The following TMEM94 variants were observed in gnomAD, a reference collection of about 807,000 sequenced individuals.
The protein encoded by TMEM94 is ER Mg2+ ATPase.
TMEM94 carries 81 observed loss-of-function variants against 158.6 expected under a neutral mutation model. That is an observed-to-expected ratio of 0.51 (90% CI 0.43 to 0.61). The LOEUF (loss-of-function observed/expected upper bound fraction) is 0.61, where lower values mean the gene tolerates loss of function less well. Ranked by LOEUF, TMEM94 falls within the 20% of genes least tolerant of loss-of-function variation. The pLI is 0.00. For missense variants in TMEM94, 1,435 were observed against 1,762.0 expected (o/e 0.81, Z 3.32); for synonymous variants, 751 against 730.7 (o/e 1.03, Z -0.45).
At position 75,495,628 on chromosome 17, in the gene TMEM94, G is replaced by A. The variant is rs745944165; in HGVS notation, c.2929G>A (p.Asp977Asn). The change falls in exon 22 of 32, where the codon GAC becomes AAC. Residue 977 changes from aspartate (D) to asparagine (N), a missense_variant. Physicochemically the swap from Asp to Asn is conservative, Grantham distance 23 (BLOSUM62 1). Around this residue, in one of 3 missense-constraint regions of TMEM94, gnomAD observed 49 missense variants for 98.5 expected, o/e 0.50. Coordinates refer to ENST00000314256, the MANE Select transcript of TMEM94 (RefSeq NM_014738.6). The surrounding 1 kb of genome is among the most constrained non-coding windows in gnomAD (Gnocchi z 5.6). ...NVPLLVPLFT[D>N]CTPETMCEMI... ...GCCCCTGCTAGTGCCCCTTTTCACC[G>A]ACTGCACCCCAGAGAGTGAGTGCTG... 4 of 1,613,472 alleles carry A rather than the reference G, an allele frequency of 2.5e-6. No individual in the cohort carries two copies. The highest frequency in any genetic ancestry group is 1.1e-5 in the South Asian group (1 of 91,082).
In TMEM94 at chr17:75,467,520, C is replaced by CTTTT. The variant is rs947595391; in HGVS notation, c.-106-4260_-106-4257dup. ...ATCATTATGCCATCCATTTCTTTTTCTTTTTTTTTTTTTTTTTTTTTTTGA... is the reference window on the plus strand; with the variant it reads ...ATCATTATGCCATCCATTTCTTTTTCTTTTTTTTTTTTTTTTTTTTTTTTTTTGA... On this transcript the variant is annotated intron_variant, in intron 1 of 31. Transcript: ENST00000314256. 4.6e-4 allele frequency among the ~76,000 whole-genome samples: 46 copies of CTTTT among 99,132 alleles called. 1 individual carries two copies. Among genetic ancestry groups the CTTTT allele is most frequent in the Non-Finnish European group, 5.9e-4 (30 of 51,202 alleles). 65.0% of individuals were successfully genotyped at this position (99,132 alleles called of 152,430 possible).
intron 1 of TMEM94, among the ~76,000 whole-genome samples, chr17:75,461,599 A>T (rs1374713718): frequency 6.6e-6 from 1 of 151,942 alleles, no homozygotes; most frequent in Non-Finnish European, 1.5e-5. Context: ...CCTTTTGTGG[A>T]TTATGCTTTT....
At chr17:75,463,187 T>C (rs1417971393) in intron 1 of TMEM94, among the ~76,000 whole-genome samples, 2 of 131,206 alleles carry the variant, frequency 1.5e-5, no homozygotes, top group Admixed American at 1.6e-4. Flanking sequence ...TGTATATATA[T>C]ATATATATAT....
Position 75,491,033 on chromosome 17 carries a change from T to G in TMEM94, c.1129-16T>G. ...TGAGCCCTAAATGGCCTTGCAGACTTCCTCTCTCCCACCAGGAAATGCTGC... is the reference window on the plus strand; with the variant it reads ...TGAGCCCTAAATGGCCTTGCAGACTGCCTCTCTCCCACCAGGAAATGCTGC... On this transcript the variant is annotated splice_polypyrimidine_tract_variant and intron_variant, in intron 11 of 31. Transcript: ENST00000314256. The surrounding 1 kb of genome is among the most constrained non-coding windows in gnomAD (Gnocchi z 5.1). 6.3e-6 allele frequency: 10 copies of G among 1,590,668 alleles called. No homozygotes were observed. Among genetic ancestry groups the G allele is most frequent in the Non-Finnish European group, 8.6e-6 (10 of 1,165,848 alleles).
At position 75,489,162 on chromosome 17, in the gene TMEM94, G is replaced by C; in HGVS notation, c.765-104G>C. On this transcript the variant is annotated intron_variant, in intron 7 of 31. Coordinates refer to ENST00000314256, the MANE Select transcript of TMEM94 (RefSeq NM_014738.6). This position sits in a 1 kb window ranked among gnomAD's most constrained non-coding sequence, Gnocchi z 5.0. The stretch of plus-strand genomic sequence containing the variant: ...CAGAGCGTGGAACTGCAGGACTCAC[G>C]GTGCTTGAAGAAGCGGTATCTGGCA... The C allele has an allele frequency of 8.8e-7, 1 of 1,136,352 alleles. No homozygotes were observed. Among genetic ancestry groups the C allele is most frequent in the Admixed American group, 1.9e-5 (1 of 51,404 alleles). 70.4% of individuals were successfully genotyped at this position (1,136,352 alleles called of 1,614,324 possible). A position where few individuals can be genotyped will look rare whatever the true frequency, so the allele number is the denominator to read the frequency against.
chr17:75,480,375 A>G (rs1310114844), intron 2 of TMEM94, among the ~76,000 whole-genome samples: 1 of 152,220 alleles, frequency 6.6e-6, no homozygotes, highest in Non-Finnish European at 1.5e-5. Flanking sequence ...GACCAGACAT[A>G]ACAAGCGGGG....
Position 75,489,209 on chromosome 17 carries a change from A to C in TMEM94, c.765-57A>C. On this transcript the variant is annotated intron_variant, in intron 7 of 31. Coordinates refer to ENST00000314256, the MANE Select transcript of TMEM94 (RefSeq NM_014738.6). The surrounding 1 kb of genome is among the most constrained non-coding windows in gnomAD (Gnocchi z 5.0). ...GGCAGAGAGGCCCAGAATCCTCCCA[A>C]GGTGTAGGTTTCTAGCCTCTCTGCC... 2.7e-6 allele frequency: 4 copies of C among 1,504,030 alleles called. No individual in the cohort carries two copies. The South Asian group carries it at 4.5e-5, about 17-fold the overall frequency. 93.2% of individuals were successfully genotyped at this position (1,504,030 alleles called of 1,614,324 possible).
chr17:75,463,927 A>G (rs1261100027), intron 1 of TMEM94, among the ~76,000 whole-genome samples: 3 of 152,252 alleles, frequency 2.0e-5, no homozygotes, highest in Non-Finnish European at 2.9e-5. Flanking sequence ...AGATCTATCA[A>G]TTAGTACCCT....
Position 75,491,183 on chromosome 17 carries a change from A to G in TMEM94, c.1233+30A>G. 6.3e-7 allele frequency: 1 copy of G among 1,594,996 alleles called. No individual in the cohort carries two copies. Among genetic ancestry groups the G allele is most frequent in the Non-Finnish European group, 8.6e-7 (1 of 1,167,848 alleles). On this transcript the variant is annotated intron_variant, in intron 12 of 31. Transcript: ENST00000314256. The surrounding 1 kb of genome is among the most constrained non-coding windows in gnomAD (Gnocchi z 5.1). ...GGGTGGGCCTTGCGGGGAGGAGGCAACTGTCATGCCCGCCCTGCTCTCTGG... is the reference window on the plus strand; with the variant it reads ...GGGTGGGCCTTGCGGGGAGGAGGCAGCTGTCATGCCCGCCCTGCTCTCTGG...
In TMEM94 at chr17:75,498,444, C is replaced by G. The variant is rs2052965843; in HGVS notation, c.3639C>G (p.Ser1213Arg). ...LTNCSSVMLP[S>R]NDDRAPAWFE... ...CTGAGCCCATGCCTCACTTTGGCAG[C>G]AACGACGACAGGGCTCCAGCCTGGT... is the stretch of plus-strand genomic sequence containing the variant. Residue 1213 changes from serine (S) to arginine (R), a missense_variant and splice_region_variant, in exon 29 of 32, where the codon AGC (serine) becomes AGG (arginine). Around this residue, in one of 3 missense-constraint regions of TMEM94, gnomAD observed 335 missense variants for 409.1 expected, o/e 0.82. Transcript: ENST00000314256. This position sits in a 1 kb window ranked among gnomAD's most constrained non-coding sequence, Gnocchi z 6.7. The G allele has an allele frequency of 6.3e-7, 1 of 1,587,578 alleles. No homozygotes were observed. Among genetic ancestry groups the G allele is most frequent in the Non-Finnish European group, 8.6e-7 (1 of 1,164,802 alleles).
In TMEM94 at chr17:75,487,669, G is replaced by A. The variant is rs115798673; in HGVS notation, c.410-263G>A. ...AGGCCCTCTGCAATGTTTGTGAAGTGTATCTGAATGGGATGGGGGTACAAA... is the reference window on the plus strand; with the variant it reads ...AGGCCCTCTGCAATGTTTGTGAAGTATATCTGAATGGGATGGGGGTACAAA... On this transcript the variant is annotated intron_variant, in intron 5 of 31. Coordinates refer to ENST00000314256, the MANE Select transcript of TMEM94 (RefSeq NM_014738.6). This position sits in a 1 kb window ranked among gnomAD's most constrained non-coding sequence, Gnocchi z 4.6. Among the ~76,000 whole-genome samples, 1,742 of 152,338 alleles carry A rather than the reference G, an allele frequency of 0.011. 38 individuals are homozygous for A. The highest frequency in any genetic ancestry group is 0.039 in the African/African-American group (1,622 of 41,574).
At chr17:75,459,065 AAAAAC>A (rs2049985143) in intron 1 of TMEM94, among the ~76,000 whole-genome samples, 1 of 151,928 alleles carries the variant, frequency 6.6e-6, no homozygotes, top group Non-Finnish European at 1.5e-5. Context: ...TCAAAAAAAA[AAAAAC>A]AAAAAAAACA....
Position 75,489,869 on chromosome 17 carries a change from A to C in TMEM94, c.954+207A>C, listed in dbSNP as rs1188428767. ...GCCACGGCAGGCAGATCATGAGGTC[A>C]AGAGATCGAGACCATCCTGGCCAAT... On this transcript the variant is annotated intron_variant, in intron 9 of 31. Coordinates refer to ENST00000314256, the MANE Select transcript of TMEM94 (RefSeq NM_014738.6). This position sits in a 1 kb window ranked among gnomAD's most constrained non-coding sequence, Gnocchi z 5.0. The C allele has an allele frequency of 1.7e-6, 1 of 603,730 alleles. No homozygotes were observed. The highest frequency in any genetic ancestry group is 1.9e-5 in the African/African-American group (1 of 53,992). 37.4% of individuals were successfully genotyped at this position (603,730 alleles called of 1,614,324 possible).
At chr17:75,497,647 G>A (rs774625382) in intron 26 of TMEM94, 134 bp from the exon 27 acceptor site, 17 of 671,662 alleles carry the variant, frequency 2.5e-5, no homozygotes, top group Admixed American at 9.6e-5. Context: ...AGCCACTGCC[G>A]TCCAGCCTTT....
rs527824361 is a variant in TMEM94, at chr17:75,458,805, C to T, written c.-107+2054C>T. ...GGGCGCAGTGGCTCACGCCTGTAAT[C>T]CCAGCACTTTGGGAGGCAGAGGCAG... On this transcript the variant is annotated intron_variant, in intron 1 of 31. Transcript: ENST00000314256. 4.6e-5 allele frequency among the ~76,000 whole-genome samples: 7 copies of T among 152,114 alleles called. No individual in the cohort carries two copies. The South Asian group carries it at 1.2e-3, about 27-fold the overall frequency.
chr17:75,466,838 T>G (rs1172777388), intron 1 of TMEM94, among the ~76,000 whole-genome samples: 2 of 151,936 alleles, frequency 1.3e-5, no homozygotes, highest in African/African-American at 4.8e-5. Flanking sequence ...ATCTATAAAT[T>G]AGGGGATAAT....
At position 75,495,072 on chromosome 17, in the gene TMEM94, TG is replaced by T; in HGVS notation, c.2728+41del. The T allele has an allele frequency of 1.1e-6, 1 of 893,440 alleles. No homozygotes were observed. The highest frequency in any genetic ancestry group is 1.8e-6 in the Non-Finnish European group (1 of 567,630). 55.3% of individuals were successfully genotyped at this position (893,440 alleles called of 1,614,324 possible). A position where few individuals can be genotyped will look rare whatever the true frequency, so the allele number is the denominator to read the frequency against. On this transcript the variant is annotated intron_variant, in intron 20 of 31. Coordinates refer to ENST00000314256, the MANE Select transcript of TMEM94 (RefSeq NM_014738.6). The surrounding 1 kb of genome is among the most constrained non-coding windows in gnomAD (Gnocchi z 5.6). ...GCGTGGGGTGGGGACGGGGTGGCGG[TG>T]GGAGGATTCCCCTCCTCAGAGCCAC...
intron 2 of TMEM94, among the ~76,000 whole-genome samples, chr17:75,482,977 A>G (rs192309416): frequency 6.6e-6 from 1 of 152,312 alleles, no homozygotes; most frequent in East Asian, 1.9e-4. Flanking sequence ...CAGGTTGCCC[A>G]GGACACCATT....
chr17:75,476,526 C>G, intron 2 of TMEM94: 1 of 1,430,432 alleles, frequency 7.0e-7, no homozygotes, highest in Non-Finnish European at 9.1e-7. Flanking sequence ...AAGCTCTGCT[C>G]TGCTGCGCCT....
Sources: gnomAD v4.1 joint callset for allele counts (sites outside exome capture counted in the v4.1 genomes callset) on GRCh38, gnomAD v4.1.1 for gene constraint, gnomAD v4.1.1 regional missense constraint, Gnocchi (gnomAD v3.1) non-coding constraint, MANE v1.5 for transcripts, NCBI Gene and HGNC (gene_info 2026-07-23, HGNC 2026-07-21) for gene names.